PLEKHG1: variants seen among roughly 807,000 people sequenced by gnomAD.
The protein encoded by PLEKHG1 is pleckstrin homology and RhoGEF domain containing G1.
Under a neutral mutation model 100.8 loss-of-function variants are expected in PLEKHG1, and 44 were observed. The observed-to-expected ratio is 0.44, with a 90% CI of 0.34 to 0.56. The LOEUF is 0.56. Among genes scored for constraint, PLEKHG1 ranks in the 20% least tolerant of loss-of-function variants. The pLI, the probability that PLEKHG1 is intolerant of heterozygous loss-of-function variation, is 0.01. For synonymous variants in PLEKHG1, 640 were observed against 662.5 expected, an observed-to-expected ratio of 0.97 and a Z score of 0.52; for missense variants, 1,545 against 1,720.9, an observed-to-expected ratio of 0.90 and a Z score of 1.81.
intron 2 of PLEKHG1, among the ~76,000 whole-genome samples, chr6:150,760,947 T>G (rs1294794765): frequency 2.0e-5 from 3 of 152,204 alleles, no homozygotes; most frequent in Non-Finnish European, 2.9e-5. Context: ...AAAGGTAATA[T>G]AAGGAACTGA....
At chr6:150,821,692 A>G (rs2128679437) in intron 13 of PLEKHG1, among the ~76,000 whole-genome samples, 1 of 152,218 alleles carries the variant, frequency 6.6e-6, no homozygotes. Flanking sequence ...ACAAAAAATA[A>G]TAATAATAAA....
intron 10 of PLEKHG1, among the ~76,000 whole-genome samples, chr6:150,816,560 G>A (rs1482394553): frequency 7.2e-5 from 11 of 151,754 alleles, no homozygotes; most frequent in Admixed American, 5.9e-4. Context: ...TCCTGACCTC[G>A]TGATCTGCCC....
At chr6:150,837,579 G>A (rs959986817) in intron 15 of PLEKHG1, among the ~76,000 whole-genome samples, 1 of 152,172 alleles carries the variant, frequency 6.6e-6, no homozygotes, top group Admixed American at 6.5e-5. Context: ...CATCTTCTTG[G>A]AACCTTGTAG....
intron 3 of PLEKHG1, among the ~76,000 whole-genome samples, chr6:150,784,472 C>A: frequency 6.6e-6 from 1 of 152,180 alleles, no homozygotes; most frequent in Middle Eastern, 3.2e-3. Context: ...GGAAGAGTCT[C>A]AGAAAGCATA....
At chr6:150,755,945 T>C (rs56028508) in intron 2 of PLEKHG1, among the ~76,000 whole-genome samples, 21,285 of 152,130 alleles carry the variant, frequency 0.14, 174 homozygotes, top group African/African-American at 0.3. Context: ...GAAGCTGCAT[T>C]TACTACAAGA....
intron 2 of PLEKHG1, among the ~76,000 whole-genome samples, chr6:150,766,633 A>AC (rs1784467258): frequency 6.6e-6 from 1 of 152,214 alleles, no homozygotes; most frequent in Non-Finnish European, 1.5e-5. Flanking sequence ...CAACTTTTAA[A>AC]ATTTAGTTTC....
intron 3 of PLEKHG1, among the ~76,000 whole-genome samples, chr6:150,708,790 GTGCTTATT>G (rs929113097): frequency 1.3e-5 from 2 of 152,168 alleles, no homozygotes; most frequent in Admixed American, 6.5e-5. Context: ...CTTATGGCAG[GTGCTTATT>G]TGGGATGCAA....
chr6:150,692,695 G>A (rs1371155819), intron 3 of PLEKHG1, among the ~76,000 whole-genome samples: 1 of 152,222 alleles, frequency 6.6e-6, no homozygotes, highest in Non-Finnish European at 1.5e-5. Context: ...TTTGAATGGA[G>A]CCTTCCAAAC....
chr6:150,648,656 T>C (rs1778594438), intron 2 of PLEKHG1, among the ~76,000 whole-genome samples: 1 of 152,180 alleles, frequency 6.6e-6, no homozygotes, highest in African/African-American at 2.4e-5. Context: ...TTTCTCTCTT[T>C]GTACCTTATC....
intron 2 of PLEKHG1, among the ~76,000 whole-genome samples, chr6:150,767,715 G>T (rs2128639066): frequency 6.6e-6 from 1 of 152,318 alleles, no homozygotes; most frequent in African/African-American, 2.4e-5. Flanking sequence ...GATTTTCATG[G>T]TCTGCTTGGC....
intron 3 of PLEKHG1, among the ~76,000 whole-genome samples, chr6:150,679,742 C>T (rs1779874241): frequency 6.6e-6 from 1 of 152,064 alleles, no homozygotes; most frequent in African/African-American, 2.4e-5. Context: ...GCCACCCCAT[C>T]AGTATATTAA....
At chr6:150,678,288 G>A (rs1412442036) in intron 3 of PLEKHG1, among the ~76,000 whole-genome samples, 1 of 151,468 alleles carries the variant, frequency 6.6e-6, no homozygotes, top group Non-Finnish European at 1.5e-5. Flanking sequence ...ATCTCTCCTT[G>A]CCCACCCAGG....
At chr6:150,790,824 T>A (rs1785928340) in intron 4 of PLEKHG1, among the ~76,000 whole-genome samples, 1 of 151,822 alleles carries the variant, frequency 6.6e-6, no homozygotes, top group Non-Finnish European at 1.5e-5. Context: ...GAGTTCAAGA[T>A]CAGCTTGACC....
chr6:150,601,057 G>T (rs1776338604), intron 1 of PLEKHG1, among the ~76,000 whole-genome samples: 1 of 152,174 alleles, frequency 6.6e-6, no homozygotes. Context: ...TGAACAGATT[G>T]GATACAGAAC....
intron 3 of PLEKHG1, among the ~76,000 whole-genome samples, chr6:150,659,201 G>A (rs1179969993): frequency 6.6e-6 from 1 of 152,088 alleles, no homozygotes; most frequent in Non-Finnish European, 1.5e-5. Context: ...CACCAGGCTG[G>A]TCTACTCAAA....
In PLEKHG1 at chr6:150,766,340, G is replaced by A. The variant is rs879653594; in HGVS notation, c.412-2298G>A. On this transcript the variant is annotated intron_variant, in intron 2 of 15. Coordinates refer to ENST00000358517, the Ensembl canonical transcript of PLEKHG1. Reference sequence around the variant, plus strand: ...AGCATGACAGGCTCTAATAAATTTCGTTGGTGTCCTTACACTGTCATTTCG... The same window carrying A: ...AGCATGACAGGCTCTAATAAATTTCATTGGTGTCCTTACACTGTCATTTCG... Among the ~76,000 whole-genome samples, 11 of 152,284 alleles carry A rather than the reference G, an allele frequency of 7.2e-5. No individual in the cohort carries two copies. In the South Asian group the frequency reaches 1.5e-3, roughly 20 times the overall value.
intron 3 of PLEKHG1, among the ~76,000 whole-genome samples, chr6:150,700,525 A>C (rs1780729161): frequency 6.6e-6 from 1 of 152,122 alleles, no homozygotes; most frequent in African/African-American, 2.4e-5. Context: ...TTCAGAGTCT[A>C]TGAAAGGAAA....
chr6:150,669,733 A>G (rs1779522713), intron 3 of PLEKHG1, among the ~76,000 whole-genome samples: 1 of 151,258 alleles, frequency 6.6e-6, no homozygotes, highest in Non-Finnish European at 1.5e-5. Flanking sequence ...AGTAGCTGGG[A>G]TTACAGGCGC....
intron 3 of PLEKHG1, among the ~76,000 whole-genome samples, chr6:150,705,007 G>A (rs1780946970): frequency 1.3e-5 from 2 of 152,122 alleles, no homozygotes; most frequent in Non-Finnish European, 2.9e-5. Flanking sequence ...CCTCCTTAAA[G>A]GGCTCGTCTC....
Sources: gnomAD v4.1 joint callset for allele counts (sites outside exome capture counted in the v4.1 genomes callset) on GRCh38, gnomAD v4.1.1 for gene constraint, MANE v1.5 for transcripts, NCBI Gene and HGNC (gene_info 2026-07-23, HGNC 2026-07-21) for gene names.